PDGFD: variants seen among roughly 807,000 people sequenced by gnomAD.
PDGFD encodes the protein platelet-derived growth factor D.
In PDGFD, 30 loss-of-function variants were observed where a neutral mutation model predicts 44.7. The observed-to-expected ratio is 0.67, with a 90% CI of 0.50 to 0.91. The LOEUF (loss-of-function observed/expected upper bound fraction) is 0.91, where lower values mean the gene tolerates loss of function less well. PDGFD is among the 40% of genes least tolerant of loss of function. The pLI is 0.00. For missense variants in PDGFD, 445 were observed against 457.8 expected, an observed-to-expected ratio of 0.97 and a Z score of 0.25; for synonymous variants, 173 against 168.4, an observed-to-expected ratio of 1.03 and a Z score of -0.21.
chr11:103,995,574 G>C (rs1207800838), intron 3 of PDGFD, among the ~76,000 whole-genome samples: 2 of 152,150 alleles, frequency 1.3e-5, no homozygotes, highest in Non-Finnish European at 2.9e-5. Context: ...ATGCTTATGA[G>C]CCCTGAGGCT....
rs144343715 is a variant in PDGFD at position 104,102,846 on chromosome 11, C to T, written c.124+60958G>A. On this transcript the variant is annotated intron_variant, in intron 1 of 6. Coordinates refer to ENST00000393158, the MANE Select transcript of PDGFD (RefSeq NM_025208.5). ...TGCAAGGACAAAAAACCAAACACCG[C>T]GTGTTCTCAGTCATAGGTGAGAAAT... is the stretch of plus-strand genomic sequence containing the variant. Among the ~76,000 whole-genome samples the T allele has an allele frequency of 1.8e-4, 27 of 152,192 alleles. No homozygotes were observed. In the East Asian group the frequency reaches 3.5e-3, roughly 20 times the overall value.
intron 1 of PDGFD, among the ~76,000 whole-genome samples, chr11:104,153,745 T>G (rs1363921875): frequency 4.6e-5 from 7 of 152,188 alleles, no homozygotes; most frequent in South Asian, 2.1e-4. Flanking sequence ...GTGTGATTAC[T>G]CATTGTATAC....
intron 1 of PDGFD, among the ~76,000 whole-genome samples, chr11:104,139,336 C>T (rs1026158925): frequency 1.2e-4 from 19 of 152,002 alleles, no homozygotes; most frequent in South Asian, 4.2e-4. Flanking sequence ...TGGAGGCTGC[C>T]GGGGATATAA....
chr11:103,928,687 T>A (rs1389089657), intron 5 of PDGFD, among the ~76,000 whole-genome samples: 1 of 152,228 alleles, frequency 6.6e-6, no homozygotes, highest in African/African-American at 2.4e-5. Context: ...TCACTGTGCA[T>A]AATTTATTGC....
At chr11:104,117,903 C>T (rs181800518) in intron 1 of PDGFD, among the ~76,000 whole-genome samples, 18 of 151,794 alleles carry the variant, frequency 1.2e-4, no homozygotes, top group African/African-American at 4.3e-4. Context: ...CATATGGAAC[C>T]AAAAAAGAGC....
intron 1 of PDGFD, among the ~76,000 whole-genome samples, chr11:104,048,561 C>A (rs1860479294): frequency 6.6e-6 from 1 of 152,142 alleles, no homozygotes; most frequent in African/African-American, 2.4e-5. Context: ...ACAGCTAGAG[C>A]AGATGGGGTT....
At position 103,923,934 on chromosome 11, in the gene PDGFD, G is replaced by A. The variant is rs1437239396; in HGVS notation, c.987+2978C>T. On this transcript the variant is annotated intron_variant, in intron 6 of 6. Transcript: ENST00000393158. ...AGATACAGTTTCAAAGGATGCCAATGTTTCAAATCCACTCATGCGACTGAA... is the reference window on the plus strand; with the variant it reads ...AGATACAGTTTCAAAGGATGCCAATATTTCAAATCCACTCATGCGACTGAA... 2.0e-5 allele frequency among the ~76,000 whole-genome samples: 3 copies of A among 152,202 alleles called. No individual in the cohort carries two copies. In the East Asian group the frequency reaches 5.8e-4, roughly 29 times the overall value.
intron 1 of PDGFD, among the ~76,000 whole-genome samples, chr11:104,123,148 A>G (rs1861801041): frequency 6.6e-6 from 1 of 152,100 alleles, no homozygotes; most frequent in African/African-American, 2.4e-5. Context: ...TTTCAAAAAA[A>G]TCAAAACCAA....
intron 1 of PDGFD, among the ~76,000 whole-genome samples, chr11:104,067,685 A>G (rs953832341): frequency 6.6e-6 from 1 of 152,162 alleles, no homozygotes; most frequent in African/African-American, 2.4e-5. Flanking sequence ...GCAGAAAAAG[A>G]TAAATTTAAA....
Position 103,997,484 on chromosome 11 carries a change from G to A in PDGFD, c.330-1239C>T, listed in dbSNP as rs112481276. Among the ~76,000 whole-genome samples the A allele has an allele frequency of 5.9e-5, 9 of 152,224 alleles. 1 individual carries two copies. Among genetic ancestry groups the A allele is most frequent in the African/African-American group, 1.9e-4 (8 of 41,524 alleles). ...AGTGATTTACAAGGCCCTTATGTCC[G>A]TTGCCTCAGTTTCCTTATGGATAAA... On this transcript the variant is annotated intron_variant, in intron 2 of 6. Coordinates refer to ENST00000393158, the MANE Select transcript of PDGFD (RefSeq NM_025208.5).
At chr11:104,008,257 C>T (rs147422290) in intron 1 of PDGFD, among the ~76,000 whole-genome samples, 436 of 152,246 alleles carry the variant, frequency 2.9e-3, no homozygotes, top group African/African-American at 9.7e-3. Context: ...GACAGAAATA[C>T]CAGTGGTTGG....
chr11:104,132,591 T>G (rs1301713867), intron 1 of PDGFD, among the ~76,000 whole-genome samples: 1 of 152,092 alleles, frequency 6.6e-6, no homozygotes. Flanking sequence ...TAAGAGAGGC[T>G]TATAAAGCCA....
At chr11:104,096,246 A>AT (rs1314121634) in intron 1 of PDGFD, among the ~76,000 whole-genome samples, 2 of 151,952 alleles carry the variant, frequency 1.3e-5, no homozygotes, top group Non-Finnish European at 2.9e-5. Context: ...TCCTGCAAAA[A>AT]AAAACTACAA....
chr11:104,049,359 A>G (rs940854821), intron 1 of PDGFD, among the ~76,000 whole-genome samples: 1 of 152,166 alleles, frequency 6.6e-6, no homozygotes, highest in Non-Finnish European at 1.5e-5. Context: ...GCAGGAAGAA[A>G]CTAAGAGTGT....
rs1405574932 is a variant in PDGFD at position 103,943,666 on chromosome 11, A to G, written c.574-16T>C. 6 of 1,600,938 alleles carry G rather than the reference A, an allele frequency of 3.7e-6. No homozygotes were observed. The highest frequency in any genetic ancestry group is 5.1e-6 in the Non-Finnish European group (6 of 1,170,608). ...AGGATACCCCCTAAGAGTGACATACAGCTCAGTGTACTCAGAATAAGTCCA... is the reference window on the plus strand; with the variant it reads ...AGGATACCCCCTAAGAGTGACATACGGCTCAGTGTACTCAGAATAAGTCCA... On this transcript the variant is annotated splice_polypyrimidine_tract_variant and intron_variant, in intron 4 of 6. Coordinates refer to ENST00000393158, the MANE Select transcript of PDGFD (RefSeq NM_025208.5).
intron 3 of PDGFD, among the ~76,000 whole-genome samples, chr11:103,992,995 T>C (rs192176100): frequency 1.3e-5 from 2 of 152,288 alleles, no homozygotes; most frequent in East Asian, 1.9e-4. Context: ...ACTTGACCTA[T>C]GATCTATCCT....
At position 103,927,044 on chromosome 11, in the gene PDGFD, C is replaced by T. The variant is rs1858326292; in HGVS notation, c.855G>A (p.Leu285=). 6.2e-7 allele frequency: 1 copy of T among 1,614,230 alleles called. No individual in the cohort carries two copies. Among genetic ancestry groups the T allele is most frequent in the Non-Finnish European group, 8.5e-7 (1 of 1,180,030 alleles). Residue 285 remains leucine, a synonymous_variant, in exon 6 of 7, where the codon CTG becomes CTA. Transcript: ENST00000393158. ...GAAAGAAGACCACATTGGCCAACTT[C>T]AGCTCTTCTCTTATATTGACCGAGT... ...RNYSVNIREE[L]KLANVVFFPR...
intron 3 of PDGFD, among the ~76,000 whole-genome samples, chr11:103,976,709 G>C (rs559331332): frequency 1.3e-5 from 2 of 152,016 alleles, no homozygotes; most frequent in Admixed American, 1.3e-4. Context: ...CTACTGAATA[G>C]TTTATCTCAA....
chr11:104,152,134 T>C (rs1420010894), intron 1 of PDGFD, among the ~76,000 whole-genome samples: 4 of 152,164 alleles, frequency 2.6e-5, no homozygotes, highest in Admixed American at 2.6e-4. Flanking sequence ...GTGGTTATGT[T>C]TTTTGTAGTT....
Sources: gnomAD v4.1 joint callset for allele counts (sites outside exome capture counted in the v4.1 genomes callset) on GRCh38, gnomAD v4.1.1 for gene constraint, MANE v1.5 for transcripts, NCBI Gene and HGNC (gene_info 2026-07-23, HGNC 2026-07-21) for gene names.